Variants in PEX13 observed in about 807,000 individuals in gnomAD.
The protein encoded by PEX13 is peroxisome biogenesis factor 13.
A neutral mutation model predicts 34.5 loss-of-function variants in PEX13; 28 were observed. The observed-to-expected ratio is 0.81, with a 90% CI of 0.60 to 1.11. PEX13 has a LOEUF of 1.11. Among genes scored for constraint, PEX13 ranks in the 50% most tolerant of loss-of-function variants. PEX13 has a pLI of 0.00. For synonymous variants in PEX13, 177 were observed against 175.1 expected, an observed-to-expected ratio of 1.01 and a Z score of -0.09; for missense variants, 550 against 491.0, an observed-to-expected ratio of 1.12 and a Z score of -1.13.
chr2:61,017,899 G>A, intron 1 of PEX13, 48 bp downstream of exon 1: 1 of 1,520,604 alleles, frequency 6.6e-7, no homozygotes, highest in Non-Finnish European at 8.9e-7. Flanking sequence ...CCCGAGCGGG[G>A]ACTTGGCAGG....
intron 2 of PEX13, 137 bp downstream of exon 2, chr2:61,032,250 G>T: frequency 1.4e-6 from 1 of 698,478 alleles, no homozygotes; most frequent in Non-Finnish European, 2.4e-6. Context: ...TTCAAAACTG[G>T]CAGAGGAATA....
chr2:61,042,378 A>T (rs993252325), intron 2 of PEX13, among the ~76,000 whole-genome samples: 10 of 152,204 alleles, frequency 6.6e-5, no homozygotes, highest in African/African-American at 2.4e-4. Flanking sequence ...ATACATTGTT[A>T]TACTACAGTG....
At chr2:61,033,865 G>T (rs1378920055) in intron 2 of PEX13, among the ~76,000 whole-genome samples, 3 of 152,158 alleles carry the variant, frequency 2.0e-5, no homozygotes, top group Non-Finnish European at 4.4e-5. Flanking sequence ...GAGATGAAGG[G>T]AGTAGATGGT....
At chr2:61,038,487 A>G (rs1680570798) in intron 2 of PEX13, among the ~76,000 whole-genome samples, 1 of 152,266 alleles carries the variant, frequency 6.6e-6, no homozygotes, top group Non-Finnish European at 1.5e-5. Context: ...TCACATAAAC[A>G]GAACCAAAGA....
intron 2 of PEX13, among the ~76,000 whole-genome samples, chr2:61,044,985 A>G (rs1207799919): frequency 6.6e-6 from 1 of 152,232 alleles, no homozygotes; most frequent in Non-Finnish European, 1.5e-5. Flanking sequence ...TAACTATGCA[A>G]TTGAGGAACT....
At chr2:61,033,505 A>C (rs1009706614) in intron 2 of PEX13, among the ~76,000 whole-genome samples, 45 of 152,350 alleles carry the variant, frequency 3.0e-4, no homozygotes, top group African/African-American at 1.0e-3. Flanking sequence ...GGGATATAGC[A>C]ATGAATAAAA....
chr2:61,046,125 A>T (rs1483730944), intron 3 of PEX13, among the ~76,000 whole-genome samples: 1 of 152,206 alleles, frequency 6.6e-6, no homozygotes, highest in East Asian at 1.9e-4. Context: ...CAAACTGTTA[A>T]TCCCCACACA....
chr2:61,019,091 C>T (rs1025011278), intron 1 of PEX13: 2 of 152,194 alleles, frequency 1.3e-5, no homozygotes, highest in African/African-American at 2.4e-5. Flanking sequence ...ATAGTGGTGA[C>T]TATTGTCCTT....
At chr2:61,047,862 A>G (rs1285782649) in intron 3 of PEX13, among the ~76,000 whole-genome samples, 1 of 152,260 alleles carries the variant, frequency 6.6e-6, no homozygotes, top group Non-Finnish European at 1.5e-5. Flanking sequence ...ATAGGAAAAT[A>G]CAATAGAAAA....
rs571266936 is a variant in PEX13, at chr2:61,018,054, TA to T, written c.92+205del. 6 of 1,484,426 alleles carry T rather than the reference TA, an allele frequency of 4.0e-6. No homozygotes were observed. In the African/African-American group the frequency reaches 8.5e-5, roughly 21 times the overall value. 92.0% of individuals were successfully genotyped at this position (1,484,426 alleles called of 1,614,324 possible). On this transcript the variant is annotated intron_variant, in intron 1 of 3. Coordinates refer to ENST00000295030, the MANE Select transcript of PEX13 (RefSeq NM_002618.4). ...ACAGCTGTTTCTGACCCGGCAGCTC[TA>T]ATCAGCAACGTTTTTTTCGGGAGCT... is the stretch of plus-strand genomic sequence containing the variant.
chr2:61,037,787 CAT>C lies in PEX13; in HGVS notation c.787+5676_787+5677del, dbSNP rs1475602225. Among the ~76,000 whole-genome samples, 6 of 152,176 alleles carry C rather than the reference CAT, an allele frequency of 3.9e-5. No homozygotes were observed. The East Asian group carries it at 1.2e-3, about 29-fold the overall frequency. ...AGAGCAAAACTGAAGGAGATAGAGACATAAAAAACCCTTCAAAAAATCAGTGA... is the reference window on the plus strand; with the variant it reads ...AGAGCAAAACTGAAGGAGATAGAGACAAAAAACCCTTCAAAAAATCAGTGA... On this transcript the variant is annotated intron_variant, in intron 2 of 3. Transcript: ENST00000295030.
chr2:61,035,782 G>A (rs1680525254), intron 2 of PEX13, among the ~76,000 whole-genome samples: 1 of 152,060 alleles, frequency 6.6e-6, no homozygotes, highest in Non-Finnish European at 1.5e-5. Context: ...TCGAGAGTTC[G>A]AGACCAGCCT....
chr2:61,040,280 T>G (rs1680600482), intron 2 of PEX13, among the ~76,000 whole-genome samples: 1 of 152,190 alleles, frequency 6.6e-6, no homozygotes, highest in Admixed American at 6.5e-5. Flanking sequence ...TAAAGACACA[T>G]GCACACGTAT....
At chr2:61,036,165 C>T (rs188024507) in intron 2 of PEX13, among the ~76,000 whole-genome samples, 23 of 152,088 alleles carry the variant, frequency 1.5e-4, no homozygotes, top group East Asian at 1.2e-3. Flanking sequence ...ATTGATGTAC[C>T]GGAAAGTGAT....
At chr2:61,033,008 A>G (rs890112705) in intron 2 of PEX13, among the ~76,000 whole-genome samples, 6 of 152,216 alleles carry the variant, frequency 3.9e-5, no homozygotes, top group Admixed American at 2.6e-4. Context: ...TAATCTTTAC[A>G]TAAGGAATGG....
chr2:61,025,340 C>CATTATT (rs528675719), intron 1 of PEX13, among the ~76,000 whole-genome samples: 58 of 146,536 alleles, frequency 4.0e-4, no homozygotes, highest in African/African-American at 1.4e-3. Context: ...TAAGCCCTAT[C>CATTATT]ATTATTATTA....
intron 1 of PEX13, among the ~76,000 whole-genome samples, chr2:61,028,256 T>G (rs373782440): frequency 6.6e-6 from 1 of 152,202 alleles, no homozygotes; most frequent in African/African-American, 2.4e-5. Context: ...TGAATTATTC[T>G]TGCCAAAAAA....
chr2:61,043,902 T>C (rs1024045028), intron 2 of PEX13, among the ~76,000 whole-genome samples: 3 of 152,222 alleles, frequency 2.0e-5, no homozygotes, highest in African/African-American at 7.2e-5. Context: ...GCTATTGTTA[T>C]TAAACCCATT....
chr2:61,019,642 GTAGTC>G (rs1680212227), intron 1 of PEX13, among the ~76,000 whole-genome samples: 1 of 151,988 alleles, frequency 6.6e-6, no homozygotes, highest in African/African-American at 2.4e-5. Flanking sequence ...CATTTATTGA[GTAGTC>G]TATTCTTAGT....
Sources: allele counts gnomAD v4.1 joint callset (sites outside exome capture counted in the v4.1 genomes callset), GRCh38; gene constraint gnomAD v4.1.1; transcripts MANE v1.5; gene names NCBI Gene and HGNC (gene_info 2026-07-23, HGNC 2026-07-21).